STAC: variants seen among roughly 807,000 people sequenced by gnomAD.
STAC encodes the protein SH3 and cysteine rich domain.
Under a neutral mutation model 48.8 loss-of-function variants are expected in STAC, and 43 were observed. That is an observed-to-expected ratio of 0.88 (90% CI 0.69 to 1.14). The LOEUF is 1.14. STAC is among the 50% of genes most tolerant of loss of function. The probability of loss-of-function intolerance (pLI) is 0.00; values close to 1 mark genes in which losing one functional copy is unlikely to be tolerated. For missense variants in STAC, 497 were observed against 504.0 expected (o/e 0.99, Z 0.13); for synonymous variants, 193 against 179.5 (o/e 1.07, Z -0.60).
intron 6 of STAC, among the ~76,000 whole-genome samples, chr3:36,501,635 A>G (rs182521469): frequency 1.3e-5 from 2 of 152,344 alleles, no homozygotes; most frequent in Non-Finnish European, 2.9e-5. Flanking sequence ...TAATATTTAT[A>G]GAAGCTGAAT....
chr3:36,521,274 T>C (rs1698798356), intron 8 of STAC, among the ~76,000 whole-genome samples: 1 of 152,032 alleles, frequency 6.6e-6, no homozygotes, highest in Non-Finnish European at 1.5e-5. Flanking sequence ...TTCTGATGAG[T>C]TTTGACACGG....
chr3:36,488,130 G>T (rs1697864784), intron 5 of STAC, among the ~76,000 whole-genome samples: 1 of 152,134 alleles, frequency 6.6e-6, no homozygotes, highest in African/African-American at 2.4e-5. Flanking sequence ...ATGGGGTCTT[G>T]CTCTATTGCC....
intron 1 of STAC, among the ~76,000 whole-genome samples, chr3:36,398,398 TAAAGAG>T (rs745669064): frequency 3.8e-4 from 21 of 54,740 alleles, no homozygotes; most frequent in Non-Finnish European, 5.9e-4. Flanking sequence ...GAAAGAGAGG[TAAAGAG>T]AAAGAGAGAG....
chr3:36,529,222 C>CCACCGAGATCTACACCT, intron 10 of STAC: 2 of 280,896 alleles, frequency 7.1e-6, no homozygotes, highest in South Asian at 8.7e-5. Context: ...TGGCAGGCGA[C>CCACCGAGATCTACACCT]GACATCTCGT....
At chr3:36,508,692 G>T (rs1698463685) in intron 8 of STAC, among the ~76,000 whole-genome samples, 1 of 151,974 alleles carries the variant, frequency 6.6e-6, no homozygotes, top group Non-Finnish European at 1.5e-5. Flanking sequence ...TGTCTTTTTT[G>T]ATCTTTGTTG....
chr3:36,483,345 C>A (rs1360843019), intron 3 of STAC, among the ~76,000 whole-genome samples: 1 of 152,226 alleles, frequency 6.6e-6, no homozygotes, highest in East Asian at 1.9e-4. Context: ...CAGGTTGGCA[C>A]TTTCTCAGTT....
intron 10 of STAC, among the ~76,000 whole-genome samples, chr3:36,531,932 C>A (rs1036705717): frequency 6.6e-6 from 1 of 152,154 alleles, no homozygotes; most frequent in African/African-American, 2.4e-5. Flanking sequence ...AACTTAATGG[C>A]TTTGTTCTCT....
Position 36,414,294 on chromosome 3 carries a change from C to T in STAC, c.112-29070C>T, listed in dbSNP as rs1700265428. Among the ~76,000 whole-genome samples, 8 of 152,192 alleles carry T rather than the reference C, an allele frequency of 5.3e-5. No homozygotes were observed. The South Asian group carries it at 1.7e-3, about 32-fold the overall frequency. On this transcript the variant is annotated intron_variant, in intron 1 of 10. Coordinates refer to ENST00000273183, the MANE Select transcript of STAC (RefSeq NM_003149.3). ...TTTTCCAACTGGGTTCAATTCTCCC[C>T]ATCACTTTCAGGTACACCAATCAGA...
At chr3:36,545,164 C>T (rs754662912) in intron 10 of STAC, among the ~76,000 whole-genome samples, 2 of 152,194 alleles carry the variant, frequency 1.3e-5, no homozygotes, top group Non-Finnish European at 2.9e-5. Context: ...ACAGCAGGAC[C>T]CTCTCTCCTG....
At chr3:36,504,371 T>C (rs562102390) in intron 6 of STAC, 22 bp from the exon 7 acceptor site, 7 of 1,609,454 alleles carry the variant, frequency 4.3e-6, no homozygotes, top group African/African-American at 2.7e-5. Flanking sequence ...ATAGAGCACC[T>C]GCTTTCTCTT....
At chr3:36,455,733 A>T (rs548837473) in intron 2 of STAC, among the ~76,000 whole-genome samples, 51 of 151,412 alleles carry the variant, frequency 3.4e-4, no homozygotes, top group African/African-American at 1.2e-3. Context: ...GTCCTTTGTA[A>T]ATGTCTGGGA....
intron 2 of STAC, among the ~76,000 whole-genome samples, chr3:36,453,439 G>A (rs1421000848): frequency 1.3e-5 from 2 of 152,192 alleles, no homozygotes; most frequent in African/African-American, 4.8e-5. Context: ...CGCCCTCGGA[G>A]AGGCCGGCCG....
At chr3:36,389,040 GA>G (rs1699683385) in intron 1 of STAC, among the ~76,000 whole-genome samples, 2 of 152,196 alleles carry the variant, frequency 1.3e-5, no homozygotes, top group South Asian at 4.1e-4. Flanking sequence ...TTATTTCAGT[GA>G]AATCTTTACA....
intron 1 of STAC, among the ~76,000 whole-genome samples, chr3:36,384,563 T>C (rs1323339809): frequency 3.3e-5 from 5 of 152,192 alleles, no homozygotes; most frequent in East Asian, 1.9e-4. Flanking sequence ...AATGTCATCA[T>C]TGGAATAATT....
chr3:36,537,867 A>C (rs1699234643), intron 10 of STAC, among the ~76,000 whole-genome samples: 2 of 152,102 alleles, frequency 1.3e-5, no homozygotes, highest in South Asian at 4.1e-4. Flanking sequence ...GATCCTCCTG[A>C]AAAAAAATTA....
At chr3:36,515,270 T>G (rs543181299) in intron 8 of STAC, among the ~76,000 whole-genome samples, 2 of 152,086 alleles carry the variant, frequency 1.3e-5, no homozygotes, top group African/African-American at 4.8e-5. Context: ...CTGCTAAGCC[T>G]TTACTGAAGC....
chr3:36,474,418 C>T (rs1697435148), intron 2 of STAC, among the ~76,000 whole-genome samples: 1 of 152,156 alleles, frequency 6.6e-6, no homozygotes, highest in African/African-American at 2.4e-5. Context: ...TTATCATAGA[C>T]AGTGTTGAGA....
Position 36,443,483 on chromosome 3 carries a change from T to C in STAC, c.231T>C (p.Ala77=). The C allele has an allele frequency of 6.2e-7, 1 of 1,614,222 alleles. No individual in the cohort carries two copies. The highest frequency in any genetic ancestry group is 8.5e-7 in the Non-Finnish European group (1 of 1,180,038). Residue 77 remains alanine, a synonymous_variant, in exon 2 of 11, where the codon GCT becomes GCC. Transcript: ENST00000273183. This position sits in a 1 kb window ranked among gnomAD's most constrained non-coding sequence, Gnocchi z 4.2. The part of the protein sequence containing the change: ...EDMKLQAHMV[A]EISPSSSPLP... ...TGAAACTGCAAGCACACATGGTGGC[T>C]GAGATCAGCCCCAGCTCCAGCCCAC...
At chr3:36,489,953 G>C (rs1484814071) in intron 5 of STAC, among the ~76,000 whole-genome samples, 6 of 152,184 alleles carry the variant, frequency 3.9e-5, no homozygotes, top group Non-Finnish European at 7.4e-5. Context: ...TTGGGTTTCT[G>C]TCTCTCAGAA....
Sources: gnomAD v4.1 joint callset for allele counts (sites outside exome capture counted in the v4.1 genomes callset) on GRCh38, gnomAD v4.1.1 for gene constraint, Gnocchi (gnomAD v3.1) non-coding constraint, MANE v1.5 for transcripts, NCBI Gene and HGNC (gene_info 2026-07-23, HGNC 2026-07-21) for gene names.